The following KDM5A variants were observed in gnomAD, a reference collection of about 807,000 sequenced individuals.
KDM5A encodes lysine-specific demethylase 5A.
Under a neutral mutation model 193.5 loss-of-function variants are expected in KDM5A, and 42 were observed. The observed-to-expected ratio is 0.22, with a 90% CI of 0.17 to 0.28. The LOEUF (loss-of-function observed/expected upper bound fraction) is 0.28, where lower values mean the gene tolerates loss of function less well. Ranked by LOEUF, KDM5A falls within the 10% of genes least tolerant of loss-of-function variation. The probability of loss-of-function intolerance (pLI) is 1.00; values close to 1 mark genes in which losing one functional copy is unlikely to be tolerated. For synonymous variants in KDM5A, 796 were observed against 718.1 expected (o/e 1.11, Z -1.73); for missense variants, 1,692 against 2,055.1 (o/e 0.82, Z 3.42).
chr12:323,226 A>AAAAAAAAAAAAAAAAAC lies in KDM5A; in HGVS notation c.2151-21_2151-20insGTTTTTTTTTTTTTTTT. The AAAAAAAAAAAAAAAAAC allele has an allele frequency of 6.7e-7, 1 of 1,485,164 alleles. No individual in the cohort carries two copies. The highest frequency in any genetic ancestry group is 1.3e-5 in the South Asian group (1 of 74,636). 92.0% of individuals were successfully genotyped at this position (1,485,164 alleles called of 1,614,324 possible). ...CGATATCTACAAAAAAAAAAAAAAA[A>AAAAAAAAAAAAAAAAAC]AAAAAAAAAAAAAGAAAACAGAAAT... On this transcript the variant is annotated intron_variant, in intron 15 of 27. Coordinates refer to ENST00000399788, the MANE Select transcript of KDM5A (RefSeq NM_001042603.3).
chr12:378,741 G>T (rs982808402), intron 3 of KDM5A, among the ~76,000 whole-genome samples: 2 of 152,126 alleles, frequency 1.3e-5, no homozygotes, highest in African/African-American at 4.8e-5. Flanking sequence ...GGCGGATCAC[G>T]AGGTCAGGAG....
intron 10 of KDM5A, among the ~76,000 whole-genome samples, chr12:342,305 A>T (rs1002163611): frequency 1.3e-5 from 2 of 152,212 alleles, no homozygotes; most frequent in African/African-American, 2.4e-5. Context: ...GTAAAGAGAA[A>T]AGAAATGAAT....
intron 14 of KDM5A, among the ~76,000 whole-genome samples, chr12:326,963 G>A (rs12810899): frequency 6.6e-6 from 1 of 151,864 alleles, no homozygotes; most frequent in South Asian, 2.1e-4. Context: ...AGTATGATGG[G>A]AACAGAATGA....
chr12:379,403 A>C (rs984877150), intron 3 of KDM5A, among the ~76,000 whole-genome samples: 1 of 152,218 alleles, frequency 6.6e-6, no homozygotes, highest in Non-Finnish European at 1.5e-5. Context: ...AAGGAGATGA[A>C]ACAACCCACT....
intron 5 of KDM5A, among the ~76,000 whole-genome samples, chr12:362,464 C>T (rs1279552942): frequency 6.6e-6 from 1 of 152,164 alleles, no homozygotes; most frequent in Non-Finnish European, 1.5e-5. Context: ...AATTTATACT[C>T]TGGTTTTTAA....
At chr12:317,030 G>A (rs1418230196) in intron 19 of KDM5A, among the ~76,000 whole-genome samples, 9 of 152,162 alleles carry the variant, frequency 5.9e-5, no homozygotes, top group Non-Finnish European at 1.5e-5. Flanking sequence ...TTAGCTGCTA[G>A]AGAAATGCTT....
rs1260859597 is a variant in KDM5A, at chr12:364,734, G to A, written c.537+1200C>T. On this transcript the variant is annotated intron_variant, in intron 4 of 27. Coordinates refer to ENST00000399788, the MANE Select transcript of KDM5A (RefSeq NM_001042603.3). ...CAGGAGGCGGAGCTTGCAGCAAGCC[G>A]AGATCGCGCCACTGCACTCCAGCCT... Among the ~76,000 whole-genome samples the A allele has an allele frequency of 3.5e-5, 5 of 142,220 alleles. No individual in the cohort carries two copies. The East Asian group carries it at 6.2e-4, about 18-fold the overall frequency. The allele number at this position is 142,220 out of a possible 152,430, so 93.3% of individuals were successfully genotyped here.
rs559143177 is a variant in KDM5A, at chr12:361,514, T to C, written c.672+1449A>G. Among the ~76,000 whole-genome samples, 4 of 151,998 alleles carry C rather than the reference T, an allele frequency of 2.6e-5. No individual in the cohort carries two copies. The East Asian group carries it at 7.7e-4, about 29-fold the overall frequency. On this transcript the variant is annotated intron_variant, in intron 5 of 27. Coordinates refer to ENST00000399788, the MANE Select transcript of KDM5A (RefSeq NM_001042603.3). ...CGGCCTGTAGTCCCCATTTTTATAA[T>C]AAAGAAAAGCATTAGGAATAGGCAA...
At chr12:370,291 G>A (rs1944410330) in intron 3 of KDM5A, among the ~76,000 whole-genome samples, 1 of 152,198 alleles carries the variant, frequency 6.6e-6, no homozygotes, top group African/African-American at 2.4e-5. Flanking sequence ...TACTTGGGAG[G>A]CTGAGGCAGG....
At chr12:288,443 G>A (rs897230650) in intron 27 of KDM5A, among the ~76,000 whole-genome samples, 1 of 152,104 alleles carries the variant, frequency 6.6e-6, no homozygotes, top group African/African-American at 2.4e-5. Context: ...AGATCTGGGG[G>A]AAATGTCTGT....
At chr12:293,728 G>A (rs867155233) in intron 26 of KDM5A, among the ~76,000 whole-genome samples, 7 of 121,324 alleles carry the variant, frequency 5.8e-5, no homozygotes, top group African/African-American at 1.3e-4. Context: ...GCAGTGAGCC[G>A]CAATCAATCC....
chr12:355,215 C>A lies in KDM5A; in HGVS notation c.813G>T (p.Arg271Ser), dbSNP rs1480301396. Residue 271 changes from arginine (R) to serine (S), a missense_variant, in exon 7 of 28, where the codon AGG becomes AGT. Arg to Ser is a moderately radical substitution (Grantham distance 110, BLOSUM62 -1). Around this residue, in one of 11 missense-constraint regions of KDM5A, gnomAD observed 134 missense variants for 124.2 expected, o/e 1.08. Coordinates refer to ENST00000399788, the MANE Select transcript of KDM5A (RefSeq NM_001042603.3). ...EVTRRRKVTNRSDAFNMQMRQ... is the reference protein window; with the variant it reads ...EVTRRRKVTNSSDAFNMQMRQ... ...TCATTTGCATGTTAAATGCGTCTGA[C>A]CTGTTGGTAACTTTTCGTCTTCGGG... is the stretch of plus-strand genomic sequence containing the variant. The A allele has an allele frequency of 1.9e-6, 3 of 1,612,886 alleles. No individual in the cohort carries two copies. Among genetic ancestry groups the A allele is most frequent in the African/African-American group, 2.7e-5 (2 of 74,914 alleles).
Position 323,132 on chromosome 12 carries a change from C to A in KDM5A, c.2225G>T (p.Trp742Leu), listed in dbSNP as rs763409413. 1.9e-6 allele frequency: 3 copies of A among 1,543,516 alleles called. No homozygotes were observed. In the African/African-American group the frequency reaches 4.3e-5, roughly 22 times the overall value. The change falls in exon 16 of 28, where the codon TGG (tryptophan) becomes TTG (leucine). Residue 742 changes from tryptophan to leucine, a missense_variant. Around this residue, in one of 11 missense-constraint regions of KDM5A, gnomAD observed 965 missense variants for 1,061.0 expected, o/e 0.91. Transcript: ENST00000399788. Reference protein sequence around the residue: ...VKVRAQSYDTWVSRVTEALSA... With the variant: ...VKVRAQSYDTLVSRVTEALSA... ...CAATGCTTCTGTAACACGACTGACC[C>A]AAGTGTCATAGGACTGTGCCCTGAC...
intron 19 of KDM5A, among the ~76,000 whole-genome samples, chr12:314,828 G>A (rs1010500202): frequency 3.3e-5 from 5 of 152,176 alleles, no homozygotes; most frequent in African/African-American, 1.2e-4. Flanking sequence ...GAGGAACTGA[G>A]AGGAAAAATC....
chr12:379,308 A>C (rs1471288496), intron 3 of KDM5A, among the ~76,000 whole-genome samples: 1 of 152,208 alleles, frequency 6.6e-6, no homozygotes, highest in Non-Finnish European at 1.5e-5. Context: ...CTCTTGCTAG[A>C]ATAAAATGTC....
At chr12:327,930 T>C (rs111840464) in intron 14 of KDM5A, among the ~76,000 whole-genome samples, 98 of 151,392 alleles carry the variant, frequency 6.5e-4, no homozygotes, top group African/African-American at 2.3e-3. Context: ...GGGAAGATTG[T>C]TTGAGCCCAG....
rs201450716 is a variant in KDM5A, at chr12:307,577, T to C, written c.3807A>G (p.Leu1269=). ...RARQALATDE[L]SSALAKLSVL... The stretch of plus-strand genomic sequence containing the variant: ...CAGATAGTTTGGCCAGGGCAGAGGA[T>C]AGTTCATCTGTGGCTAGAGCCTGCC... Residue 1269 remains leucine (L), a synonymous_variant, in exon 23 of 28, where the codon CTA becomes CTG. Coordinates refer to ENST00000399788, the MANE Select transcript of KDM5A (RefSeq NM_001042603.3). The surrounding 1 kb of genome is among the most constrained non-coding windows in gnomAD (Gnocchi z 4.3). 1.6e-4 allele frequency: 262 copies of C among 1,614,130 alleles called. No homozygotes were observed. The African/African-American group carries it at 1.7e-3, about 11-fold the overall frequency.
intron 19 of KDM5A, among the ~76,000 whole-genome samples, chr12:313,954 T>C (rs901156188): frequency 1.2e-4 from 19 of 152,052 alleles, no homozygotes; most frequent in African/African-American, 4.6e-4. Context: ...ATGGTTCAGT[T>C]TGCGATTAGG....
chr12:319,570 G>A (rs529624345), intron 18 of KDM5A, among the ~76,000 whole-genome samples: 1 of 152,142 alleles, frequency 6.6e-6, no homozygotes, highest in African/African-American at 2.4e-5. Context: ...TGGGCAAAAT[G>A]GCAAAAACTC....
Sources: gnomAD v4.1 joint callset for allele counts (sites outside exome capture counted in the v4.1 genomes callset) on GRCh38, gnomAD v4.1.1 for gene constraint, gnomAD v4.1.1 regional missense constraint, Gnocchi (gnomAD v3.1) non-coding constraint, MANE v1.5 for transcripts, NCBI Gene and HGNC (gene_info 2026-07-23, HGNC 2026-07-21) for gene names.